Variants in FBXW4 observed in about 807,000 individuals in gnomAD.
FBXW4 encodes F-box and WD repeat domain containing 4, also known as F-box/WD repeat-containing protein 4.
Under a neutral mutation model 61.8 loss-of-function variants are expected in FBXW4, and 40 were observed. The observed-to-expected ratio is 0.65, with a 90% CI of 0.50 to 0.84. The LOEUF (loss-of-function observed/expected upper bound fraction) is 0.84. Among genes scored for constraint, FBXW4 ranks in the 40% least tolerant of loss-of-function variants. The probability of loss-of-function intolerance (pLI) is 0.00; values close to 1 mark genes in which losing one functional copy is unlikely to be tolerated. For missense variants in FBXW4, 672 were observed against 753.8 expected (o/e 0.89, Z 1.27); for synonymous variants, 311 against 313.8 (o/e 0.99, Z 0.10).
At chr10:101,656,070 A>G (rs2064182580) in intron 5 of FBXW4, among the ~76,000 whole-genome samples, 1 of 152,168 alleles carries the variant, frequency 6.6e-6, no homozygotes, top group African/African-American at 2.4e-5. Context: ...CTGAAACCCC[A>G]CACAAAGGAA....
chr10:101,646,390 C>T (rs2064096729), intron 5 of FBXW4, among the ~76,000 whole-genome samples: 1 of 152,236 alleles, frequency 6.6e-6, no homozygotes, highest in Admixed American at 6.5e-5. Context: ...CACTCCCTAC[C>T]ATTAGCCTGC....
At chr10:101,632,266 T>C (rs1178676119) in intron 5 of FBXW4, among the ~76,000 whole-genome samples, 2 of 152,054 alleles carry the variant, frequency 1.3e-5, no homozygotes, top group African/African-American at 4.8e-5. Context: ...CAGGGCAGGA[T>C]GGTGCAAGTA....
At chr10:101,633,837 G>A (rs542991739) in intron 5 of FBXW4, among the ~76,000 whole-genome samples, 17 of 152,244 alleles carry the variant, frequency 1.1e-4, no homozygotes, top group African/African-American at 2.4e-4. Flanking sequence ...CAGGCTGGGC[G>A]TGGTGGCTTA....
chr10:101,629,666 T>C (rs1050840839), intron 5 of FBXW4, among the ~76,000 whole-genome samples: 4 of 151,960 alleles, frequency 2.6e-5, no homozygotes. Context: ...TAGCAACTAG[T>C]GGACTGGAAT....
intron 5 of FBXW4, among the ~76,000 whole-genome samples, chr10:101,648,534 G>C (rs1420991077): frequency 6.6e-6 from 1 of 152,140 alleles, no homozygotes; most frequent in African/African-American, 2.4e-5. Flanking sequence ...ACAGGAAAAG[G>C]AGTCAGAACT....
At chr10:101,622,091 A>G (rs1456484153) in intron 6 of FBXW4, among the ~76,000 whole-genome samples, 5 of 151,378 alleles carry the variant, frequency 3.3e-5, no homozygotes, top group African/African-American at 1.2e-4. Flanking sequence ...ACCATGATTC[A>G]TTGATTAAAA....
intron 1 of FBXW4, among the ~76,000 whole-genome samples, chr10:101,684,692 T>C (rs1440372384): frequency 1.4e-4 from 22 of 152,258 alleles, no homozygotes; most frequent in Admixed American, 3.9e-4. Context: ...TAGTGTAAAG[T>C]ATTTAAGCAG....
chr10:101,652,489 C>T (rs2064153053), intron 5 of FBXW4, among the ~76,000 whole-genome samples: 1 of 150,976 alleles, frequency 6.6e-6, no homozygotes, highest in South Asian at 2.2e-4. Context: ...GTTTTGTGAG[C>T]TGAGGGGGGA....
At chr10:101,641,313 G>T (rs2064051344) in intron 5 of FBXW4, among the ~76,000 whole-genome samples, 1 of 152,004 alleles carries the variant, frequency 6.6e-6, no homozygotes, top group South Asian at 2.1e-4. Flanking sequence ...GAAAACACAG[G>T]GGTTAATTTT....
chr10:101,628,880 A>T (rs1363674287), intron 5 of FBXW4, among the ~76,000 whole-genome samples: 1 of 152,092 alleles, frequency 6.6e-6, no homozygotes, highest in African/African-American at 2.4e-5. Context: ...GCCTTCTATA[A>T]TTTCTCACCC....
chr10:101,619,344 T>G (rs529698102), intron 6 of FBXW4, among the ~76,000 whole-genome samples: 65 of 152,262 alleles, frequency 4.3e-4, no homozygotes, highest in Non-Finnish European at 7.1e-4. Flanking sequence ...AACCCCATGG[T>G]ACCCAGTTCC....
chr10:101,626,222 TG>T (rs2063906539), intron 5 of FBXW4: 1 of 152,474 alleles, frequency 6.6e-6, no homozygotes. Context: ...AGAGTGGGAG[TG>T]CCAAAACAGT....
At chr10:101,632,865 G>A (rs1304315232) in intron 5 of FBXW4, among the ~76,000 whole-genome samples, 3 of 152,154 alleles carry the variant, frequency 2.0e-5, no homozygotes, top group Non-Finnish European at 4.4e-5. Flanking sequence ...TACCCAACAA[G>A]AAGCATGCAA....
At chr10:101,683,409 C>T (rs530954414) in intron 1 of FBXW4, among the ~76,000 whole-genome samples, 2 of 152,300 alleles carry the variant, frequency 1.3e-5, no homozygotes, top group African/African-American at 4.8e-5. Context: ...CTCAGCTTTC[C>T]GGCACTTAGT....
chr10:101,686,070 C>T (rs1283548511), intron 1 of FBXW4, among the ~76,000 whole-genome samples: 3 of 152,166 alleles, frequency 2.0e-5, no homozygotes, highest in Non-Finnish European at 4.4e-5. Flanking sequence ...TTCAGAAGCA[C>T]TAAGCATAAC....
chr10:101,625,013 G>T, intron 5 of FBXW4: 1 of 625,870 alleles, frequency 1.6e-6, no homozygotes, highest in Non-Finnish European at 2.9e-6. Context: ...GTGGTGCCTG[G>T]CCAGAAGACC....
chr10:101,614,784 C>T (rs906919913), intron 6 of FBXW4, among the ~76,000 whole-genome samples: 20 of 152,196 alleles, frequency 1.3e-4, no homozygotes, highest in South Asian at 4.1e-4. Flanking sequence ...TAAACTGACA[C>T]GCCAGGCTCT....
At chr10:101,675,129 G>C (rs1470836123) in intron 2 of FBXW4, among the ~76,000 whole-genome samples, 1 of 152,230 alleles carries the variant, frequency 6.6e-6, no homozygotes, top group Middle Eastern at 3.2e-3. Context: ...TGTAGTAACT[G>C]AGTTTCTGCT....
chr10:101,651,570 G>C (rs541754861), intron 5 of FBXW4, among the ~76,000 whole-genome samples: 1 of 152,216 alleles, frequency 6.6e-6, no homozygotes, highest in Non-Finnish European at 1.5e-5. Context: ...AGATGTGCTT[G>C]ATGAGTTAGG....
Sources: gnomAD v4.1 joint callset for allele counts (sites outside exome capture counted in the v4.1 genomes callset) on GRCh38, gnomAD v4.1.1 for gene constraint, MANE v1.5 for transcripts, NCBI Gene and HGNC (gene_info 2026-07-23, HGNC 2026-07-21) for gene names.